The following CD38 variants were observed in gnomAD, a reference collection of about 807,000 sequenced individuals.
CD38 encodes the protein ADP-ribosyl cyclase/cyclic ADP-ribose hydrolase 1.
In CD38, 31 loss-of-function variants were observed where a neutral mutation model predicts 36.3. The observed-to-expected ratio is 0.85, with a 90% CI of 0.64 to 1.15. The LOEUF is 1.15. Among genes scored for constraint, CD38 ranks in the 50% most tolerant of loss-of-function variants. CD38 has a pLI of 0.00. For missense variants in CD38, 380 were observed against 371.9 expected, an observed-to-expected ratio of 1.02 and a Z score of -0.18; for synonymous variants, 131 against 135.2, an observed-to-expected ratio of 0.97 and a Z score of 0.22.
rs1393253017 is a variant in CD38 at position 15,849,068 on chromosome 4, C to G, written c.*466C>G. On this transcript the variant is annotated 3_prime_UTR_variant, in exon 8 of 8. Coordinates refer to ENST00000226279, the MANE Select transcript of CD38 (RefSeq NM_001775.4). ...TTCCTACAGATAGTCAAACCATAAA[C>G]TTCATGGTCATGGGTCATGTTGGTG... is the stretch of plus-strand genomic sequence containing the variant. The G allele has an allele frequency of 6.5e-6, 1 of 153,922 alleles. No individual in the cohort carries two copies. Among genetic ancestry groups the G allele is most frequent in the African/African-American group, 2.4e-5 (1 of 41,432 alleles). 9.5% of individuals were successfully genotyped at this position (153,922 alleles called of 1,614,324 possible). A position where few individuals can be genotyped will look rare whatever the true frequency, so the allele number is the denominator to read the frequency against.
chr4:15,825,948 C>T (rs1337454199), intron 3 of CD38: 2 of 151,970 alleles, frequency 1.3e-5, no homozygotes. Context: ...CTGCAGTTTT[C>T]ACTTCTTTTT....
intron 1 of CD38, among the ~76,000 whole-genome samples, chr4:15,796,250 A>G (rs1438294396): frequency 2.0e-5 from 3 of 152,144 alleles, no homozygotes; most frequent in African/African-American, 7.2e-5. Context: ...ATACTTCCAG[A>G]TAAAATTTTT....
intron 1 of CD38, among the ~76,000 whole-genome samples, chr4:15,784,451 C>A (rs1391407302): frequency 4.6e-5 from 7 of 152,118 alleles, no homozygotes. Context: ...ATTGACTAAA[C>A]CCTTAAAGGT....
intron 3 of CD38, among the ~76,000 whole-genome samples, chr4:15,830,848 A>C (rs1723945037): frequency 6.6e-6 from 1 of 152,004 alleles, no homozygotes. Flanking sequence ...CTGATTGTAG[A>C]GTTTAGTCCA....
chr4:15,834,784 T>C (rs757248736), intron 4 of CD38, among the ~76,000 whole-genome samples: 13 of 152,202 alleles, frequency 8.5e-5, no homozygotes, highest in Non-Finnish European at 1.6e-4. Flanking sequence ...ACAAGGAATC[T>C]ACTAAATGTA....
At chr4:15,822,941 G>C (rs956619242) in intron 2 of CD38, among the ~76,000 whole-genome samples, 1 of 152,098 alleles carries the variant, frequency 6.6e-6, no homozygotes, top group Non-Finnish European at 1.5e-5. Flanking sequence ...GCACTACAAG[G>C]CTACAGATGC....
chr4:15,839,899 C>CA, intron 5 of CD38, 127 bp from the exon 6 acceptor site: 1 of 702,592 alleles, frequency 1.4e-6, no homozygotes. Flanking sequence ...GACTGATTTG[C>CA]AATTTGATGT....
intron 3 of CD38, 97 bp downstream of exon 3, chr4:15,825,113 C>T (rs1279774102): frequency 8.2e-7 from 1 of 1,214,906 alleles, no homozygotes. Flanking sequence ...GAGGACAGAG[C>T]CACAGGCACC....
intron 2 of CD38, among the ~76,000 whole-genome samples, chr4:15,822,911 G>A (rs372256451): frequency 5.3e-5 from 8 of 152,142 alleles, no homozygotes; most frequent in African/African-American, 7.2e-5. Context: ...TGGAGGCATC[G>A]TGCTACCCAA....
chr4:15,792,586 C>T (rs1577637538), intron 1 of CD38, among the ~76,000 whole-genome samples: 1 of 152,078 alleles, frequency 6.6e-6, no homozygotes, highest in East Asian at 1.9e-4. Flanking sequence ...ACCCATTACC[C>T]AACTTCAACA....
At chr4:15,789,199 T>A (rs1028668605) in intron 1 of CD38, among the ~76,000 whole-genome samples, 2 of 152,194 alleles carry the variant, frequency 1.3e-5, no homozygotes, top group Non-Finnish European at 2.9e-5. Flanking sequence ...TGAGCTCCTA[T>A]GATGTCCCAG....
rs544610809 is a variant in CD38, at chr4:15,785,440, A to G, written c.233+6793A>G. Among the ~76,000 whole-genome samples the G allele has an allele frequency of 5.9e-5, 9 of 152,242 alleles. No individual in the cohort carries two copies. The South Asian group carries it at 1.9e-3, about 32-fold the overall frequency. ...TTCAGACACTGTTCCCAGCAAGGTCAGTGGAACCCACTGCTCAAAACACAC... is the reference window on the plus strand; with the variant it reads ...TTCAGACACTGTTCCCAGCAAGGTCGGTGGAACCCACTGCTCAAAACACAC... On this transcript the variant is annotated intron_variant, in intron 1 of 7. Transcript: ENST00000226279.
intron 5 of CD38, 41 bp from the exon 6 acceptor site, chr4:15,839,985 T>C: frequency 7.1e-7 from 1 of 1,401,962 alleles, no homozygotes; most frequent in East Asian, 2.3e-5. Context: ...ATGCTTTCGT[T>C]TGGGGTTGAT....
At chr4:15,792,639 TA>T (rs1034509413) in intron 1 of CD38, among the ~76,000 whole-genome samples, 14 of 150,512 alleles carry the variant, frequency 9.3e-5, no homozygotes, top group East Asian at 1.9e-4. Context: ...ATTTACCCAT[TA>T]AAAAAAAAGT....
intron 2 of CD38, among the ~76,000 whole-genome samples, chr4:15,820,111 G>A (rs1008350652): frequency 2.0e-5 from 3 of 152,160 alleles, no homozygotes; most frequent in African/African-American, 4.8e-5. Context: ...ATAAATGAAG[G>A]AGAAATAAAA....
At chr4:15,829,746 A>G (rs1418824807) in intron 3 of CD38, among the ~76,000 whole-genome samples, 1 of 152,154 alleles carries the variant, frequency 6.6e-6, no homozygotes, top group East Asian at 1.9e-4. Flanking sequence ...GTCTTGCTAC[A>G]CTTCCCAGCG....
At chr4:15,834,968 A>G (rs1393899594) in intron 4 of CD38, among the ~76,000 whole-genome samples, 1 of 152,150 alleles carries the variant, frequency 6.6e-6, no homozygotes, top group African/African-American at 2.4e-5. Context: ...GATACATATA[A>G]GGTATAGTGA....
At chr4:15,833,668 A>T (rs1254934489) in intron 3 of CD38, among the ~76,000 whole-genome samples, 1 of 152,228 alleles carries the variant, frequency 6.6e-6, no homozygotes, top group East Asian at 1.9e-4. Context: ...ATGTGCATTA[A>T]GGCAGATATC....
intron 1 of CD38, among the ~76,000 whole-genome samples, chr4:15,780,099 T>TCATA (rs1722657475): frequency 1.3e-5 from 2 of 152,224 alleles, no homozygotes; most frequent in Non-Finnish European, 2.9e-5. Context: ...ATGAAAATCT[T>TCATA]CATACATACA....
Sources: allele counts gnomAD v4.1 joint callset (sites outside exome capture counted in the v4.1 genomes callset), GRCh38; gene constraint gnomAD v4.1.1; transcripts MANE v1.5; gene names NCBI Gene and HGNC (gene_info 2026-07-23, HGNC 2026-07-21).